The following SPRYD4 variants were observed in gnomAD, a reference collection of about 807,000 sequenced individuals.
SPRYD4 encodes SPRY domain-containing protein 4.
SPRYD4 carries 12 observed loss-of-function variants against 16.6 expected under a neutral mutation model. The observed-to-expected ratio is 0.72, with a 90% confidence interval of 0.46 to 1.17. SPRYD4 has a LOEUF of 1.17. Among genes scored for constraint, SPRYD4 ranks in the 50% most tolerant of loss-of-function variants. The pLI, the probability that SPRYD4 is intolerant of heterozygous loss-of-function variation, is 0.00. For missense variants in SPRYD4, 260 were observed against 260.2 expected, an observed-to-expected ratio of 1.00 and a Z score of 0.00; for synonymous variants, 98 against 105.4, an observed-to-expected ratio of 0.93 and a Z score of 0.43.
rs200746514 is a variant in SPRYD4 at position 56,469,297 on chromosome 12, T to C, written c.344T>C (p.Ile115Thr). ...GTGGACATGTCCCGGGATAGCTGCATTGGTGTTGATGATCGTTCCTGGGTG... is the reference window on the plus strand; with the variant it reads ...GTGGACATGTCCCGGGATAGCTGCACTGGTGTTGATGATCGTTCCTGGGTG... The part of the protein sequence containing the change: ...ADVDMSRDSC[I>T]GVDDRSWVFT... Residue 115 changes from isoleucine (I) to threonine (T), a missense_variant, in exon 2 of 2, where the codon ATT (isoleucine) becomes ACT (threonine). Coordinates refer to ENST00000338146, the MANE Select transcript of SPRYD4 (RefSeq NM_207344.4). The C allele has an allele frequency of 1.0e-4, 164 of 1,614,038 alleles. 1 individual carries two copies. The East Asian group carries it at 3.4e-3, about 33-fold the overall frequency.
rs1412417081 is a variant in SPRYD4 at position 56,472,660 on chromosome 12, A to G, written c.*3083A>G. The G allele has an allele frequency of 6.2e-7, 1 of 1,600,116 alleles. No homozygotes were observed. ...TAAAATCTCTGACCAGGAGTATTTT[A>G]TTGTGTATATTTGGTCACAGTAGCA... On this transcript the variant is annotated 3_prime_UTR_variant, in exon 2 of 2. Coordinates refer to ENST00000338146, the MANE Select transcript of SPRYD4 (RefSeq NM_207344.4).
rs538969459 is a variant in SPRYD4 at position 56,473,096 on chromosome 12, A to G, written c.*3519A>G. The G allele has an allele frequency of 1.2e-4, 98 of 797,952 alleles. 2 individuals are homozygous for G. The South Asian group carries it at 1.3e-3, about 11-fold the overall frequency. 49.4% of individuals were successfully genotyped at this position (797,952 alleles called of 1,614,324 possible). ...AATAGAGACCAGGTTTCACCGTGTTAGCCAGGATGGTCTTGATCTCCTGAC... is the reference window on the plus strand; with the variant it reads ...AATAGAGACCAGGTTTCACCGTGTTGGCCAGGATGGTCTTGATCTCCTGAC... On this transcript the variant is annotated 3_prime_UTR_variant, in exon 2 of 2. Transcript: ENST00000338146.
Position 56,469,838 on chromosome 12 carries a change from G to A in SPRYD4, c.*261G>A. ...TATCTTCCTTGACCTGCTTCCTTCAGTCCCTCTGCCTCCCTTTGCCCAGGC... is the reference window on the plus strand; with the variant it reads ...TATCTTCCTTGACCTGCTTCCTTCAATCCCTCTGCCTCCCTTTGCCCAGGC... On this transcript the variant is annotated 3_prime_UTR_variant, in exon 2 of 2. Coordinates refer to ENST00000338146, the MANE Select transcript of SPRYD4 (RefSeq NM_207344.4). 1 of 495,584 alleles carries A rather than the reference G, an allele frequency of 2.0e-6. No individual in the cohort carries two copies. The highest frequency in any genetic ancestry group is 3.6e-6 in the Non-Finnish European group (1 of 274,588). 30.7% of individuals were successfully genotyped at this position (495,584 alleles called of 1,614,324 possible). A position where few individuals can be genotyped will look rare whatever the true frequency, so the allele number is the denominator to read the frequency against.
chr12:56,468,787 C>A, intron 1 of SPRYD4, 111 bp downstream of exon 1: 1 of 1,226,184 alleles, frequency 8.2e-7, no homozygotes, highest in South Asian at 1.3e-5. Context: ...CCTTCCCCAC[C>A]TGCCTTGGTC....
In SPRYD4 at chr12:56,469,222, G is replaced by A; in HGVS notation, c.269G>A (p.Trp90Ter). Reference protein sequence around the residue: ...DTAVTSGRHYWEVTVKRSQQF... With the variant: ...DTAVTSGRHY The stretch of plus-strand genomic sequence containing the variant: ...GCGGTCACCAGTGGCAGACACTACT[G>A]GGAAGTGACAGTGAAGCGCTCCCAG... The change falls in exon 2 of 2, where the codon TGG becomes TAG. Residue 90 changes from tryptophan (W) to a stop codon, truncating the protein, a stop_gained. Transcript: ENST00000338146. LOFTEE classifies it high-confidence loss of function. The A allele has an allele frequency of 1.9e-6, 3 of 1,614,116 alleles. No individual in the cohort carries two copies. Among genetic ancestry groups the A allele is most frequent in the Non-Finnish European group, 1.7e-6 (2 of 1,179,990 alleles).
In SPRYD4 at chr12:56,469,403, G is replaced by C; in HGVS notation, c.450G>C (p.Lys150Asn). 1 of 1,614,132 alleles carries C rather than the reference G, an allele frequency of 6.2e-7. No individual in the cohort carries two copies. Among genetic ancestry groups the C allele is most frequent in the Non-Finnish European group, 8.5e-7 (1 of 1,180,016 alleles). Residue 150 changes from lysine (K) to asparagine (N), a missense_variant, in exon 2 of 2, where the codon AAG becomes AAC. Transcript: ENST00000338146. Reference sequence around the variant, plus strand: ...TTGAGGGTATTGGGCAGCCAGAGAAGGTGGGGCTGTTGCTGGAGTATGAGG... The same window carrying C: ...TTGAGGGTATTGGGCAGCCAGAGAACGTGGGGCTGTTGCTGGAGTATGAGG... ...APVEGIGQPE[K>N]VGLLLEYEAQ...
At position 56,479,201 on chromosome 12, in the gene SPRYD4, G is replaced by A. The variant is rs376034358; in HGVS notation, c.*9624G>A. 75 of 1,611,398 alleles carry A rather than the reference G, an allele frequency of 4.7e-5. No individual in the cohort carries two copies. The East Asian group carries it at 8.2e-4, about 18-fold the overall frequency. On this transcript the variant is annotated 3_prime_UTR_variant, in exon 2 of 2. Coordinates refer to ENST00000338146, the MANE Select transcript of SPRYD4 (RefSeq NM_207344.4). ...ACACACCTGGATCCCAGACACGATT[G>A]GATTAGGGGGCTAGAGAAATGCAGC...
chr12:56,478,710 T>C lies in SPRYD4; in HGVS notation c.*9133T>C, dbSNP rs908578907. ...CAGGAAATCTCTGAGAAGCGAGGTA[T>C]ATCTAGGTGTGGTGGCTCATGCCTG... On this transcript the variant is annotated 3_prime_UTR_variant, in exon 2 of 2. Transcript: ENST00000338146. The C allele has an allele frequency of 3.9e-6, 1 of 259,548 alleles. No individual in the cohort carries two copies. Among genetic ancestry groups the C allele is most frequent in the African/African-American group, 2.3e-5 (1 of 44,416 alleles). The allele number at this position is 259,548 out of a possible 1,614,324, so 16.1% of individuals were successfully genotyped here.
At position 56,475,943 on chromosome 12, in the gene SPRYD4, A is replaced by AG; in HGVS notation, c.*6366_*6367insG. 1.2e-6 allele frequency: 2 copies of AG among 1,613,908 alleles called. No individual in the cohort carries two copies. Among genetic ancestry groups the AG allele is most frequent in the Non-Finnish European group, 1.7e-6 (2 of 1,180,002 alleles). ...CAGGGGCTAAGTAGCAAGGGAACTT[A>AG]CAAAATCAAACTTCTCTGCTTTGTT... is the stretch of plus-strand genomic sequence containing the variant. On this transcript the variant is annotated 3_prime_UTR_variant, in exon 2 of 2. Coordinates refer to ENST00000338146, the MANE Select transcript of SPRYD4 (RefSeq NM_207344.4).
rs1869688410 is a variant in SPRYD4, at chr12:56,475,100, C to CT, written c.*5524dup. Reference sequence around the variant, plus strand: ...TAATTCCGATCCCCTGTTTCCTTCTCTGACTGGAATCTGAAGCAAACACCC... The same window carrying CT: ...TAATTCCGATCCCCTGTTTCCTTCTCTTGACTGGAATCTGAAGCAAACACCC... On this transcript the variant is annotated 3_prime_UTR_variant, in exon 2 of 2. Coordinates refer to ENST00000338146, the MANE Select transcript of SPRYD4 (RefSeq NM_207344.4). 2.5e-6 allele frequency: 4 copies of CT among 1,614,140 alleles called. No homozygotes were observed. The highest frequency in any genetic ancestry group is 3.4e-6 in the Non-Finnish European group (4 of 1,180,040).
chr12:56,478,017 T>A lies in SPRYD4; in HGVS notation c.*8440T>A, dbSNP rs1327892493. On this transcript the variant is annotated 3_prime_UTR_variant, in exon 2 of 2. Transcript: ENST00000338146. ...TTGTGCACGTAGTCAGTGCCTAGGGTGCTTATGGAGATGGCATAGGTGAGG... is the reference window on the plus strand; with the variant it reads ...TTGTGCACGTAGTCAGTGCCTAGGGAGCTTATGGAGATGGCATAGGTGAGG... 6.8e-6 allele frequency: 11 copies of A among 1,613,898 alleles called. No individual in the cohort carries two copies. The highest frequency in any genetic ancestry group is 8.5e-6 in the Non-Finnish European group (10 of 1,179,988).
Position 56,469,245 on chromosome 12 carries a change from C to G in SPRYD4, c.292C>G (p.Gln98Glu), listed in dbSNP as rs1442346247. ...HYWEVTVKRSQQFRIGVADVD... is the reference protein window; with the variant it reads ...HYWEVTVKRSEQFRIGVADVD... ...CTGGGAAGTGACAGTGAAGCGCTCC[C>G]AGCAGTTCCGGATAGGAGTGGCAGA... The change falls in exon 2 of 2, where the codon CAG (glutamine) becomes GAG (glutamate). Residue 98 changes from glutamine (Q) to glutamate (E), a missense_variant. Physicochemically the swap from Gln to Glu is conservative, Grantham distance 29. Coordinates refer to ENST00000338146, the MANE Select transcript of SPRYD4 (RefSeq NM_207344.4). 1 of 1,613,936 alleles carries G rather than the reference C, an allele frequency of 6.2e-7. No homozygotes were observed. Among genetic ancestry groups the G allele is most frequent in the Non-Finnish European group, 8.5e-7 (1 of 1,179,878 alleles).
Position 56,473,598 on chromosome 12 carries a change from G to T in SPRYD4, c.*4021G>T. 2 of 1,609,146 alleles carry T rather than the reference G, an allele frequency of 1.2e-6. No homozygotes were observed. Among genetic ancestry groups the T allele is most frequent in the Non-Finnish European group, 1.7e-6 (2 of 1,178,084 alleles). ...CTGACTTGGCTGGCAGGCCCACCTGGGGAACAGAACTGAAGCTGAGGATAA... is the reference window on the plus strand; with the variant it reads ...CTGACTTGGCTGGCAGGCCCACCTGTGGAACAGAACTGAAGCTGAGGATAA... On this transcript the variant is annotated 3_prime_UTR_variant, in exon 2 of 2. Coordinates refer to ENST00000338146, the MANE Select transcript of SPRYD4 (RefSeq NM_207344.4).
chr12:56,472,279 T>C lies in SPRYD4; in HGVS notation c.*2702T>C. The C allele has an allele frequency of 7.8e-7, 1 of 1,281,818 alleles. No individual in the cohort carries two copies. The highest frequency in any genetic ancestry group is 1.1e-6 in the Non-Finnish European group (1 of 883,448). 79.4% of individuals were successfully genotyped at this position (1,281,818 alleles called of 1,614,324 possible). ...CTTTGTGAACTGGTGTCAGACTGGA[T>C]GAGTTTCAGAGAAAGTGAAACAGCC... On this transcript the variant is annotated 3_prime_UTR_variant, in exon 2 of 2. Transcript: ENST00000338146.
intron 1 of SPRYD4, 39 bp downstream of exon 1, chr12:56,468,715 G>A (rs575653389): frequency 6.3e-7 from 1 of 1,592,910 alleles, no homozygotes; most frequent in African/African-American, 1.3e-5. Context: ...CTCCAGAATG[G>A]CTGCCGTCTA....
intron 1 of SPRYD4, 83 bp from the exon 2 acceptor site, chr12:56,468,956 G>A: frequency 6.8e-7 from 1 of 1,478,008 alleles, no homozygotes; most frequent in Non-Finnish European, 9.0e-7. Context: ...GTGTATCATG[G>A]CTGCCTGCCT....
In SPRYD4 at chr12:56,476,059, T is replaced by C. The variant is rs1290269645; in HGVS notation, c.*6482T>C. On this transcript the variant is annotated 3_prime_UTR_variant, in exon 2 of 2. Transcript: ENST00000338146. ...GGGTCAGAAGGATCTAGTGGAGTTCTAGTGTTAGTCTGGTCCTGCTGCTGC... is the reference window on the plus strand; with the variant it reads ...GGGTCAGAAGGATCTAGTGGAGTTCCAGTGTTAGTCTGGTCCTGCTGCTGC... 8.0e-6 allele frequency: 11 copies of C among 1,381,356 alleles called. No individual in the cohort carries two copies. The highest frequency in any genetic ancestry group is 1.1e-5 in the Non-Finnish European group (11 of 981,810). 85.6% of individuals were successfully genotyped at this position (1,381,356 alleles called of 1,614,324 possible). A position where few individuals can be genotyped will look rare whatever the true frequency, so the allele number is the denominator to read the frequency against.
In SPRYD4 at chr12:56,475,602, A is replaced by G. The variant is rs1330792138; in HGVS notation, c.*6025A>G. The G allele has an allele frequency of 6.2e-7, 1 of 1,612,542 alleles. No individual in the cohort carries two copies. The highest frequency in any genetic ancestry group is 8.5e-7 in the Non-Finnish European group (1 of 1,178,662). On this transcript the variant is annotated 3_prime_UTR_variant, in exon 2 of 2. Transcript: ENST00000338146. ...CACATACACCACAATGCTTTCAGTC[A>G]GTCCTCTGAGTAGGGACTTACGTGG...
In SPRYD4 at chr12:56,478,061, A is replaced by G; in HGVS notation, c.*8484A>G. ...GGTGAGGGGCTTCACACAGGACTGCAGGCAGAAGGGGATCTTTGTGTGGCC... is the reference window on the plus strand; with the variant it reads ...GGTGAGGGGCTTCACACAGGACTGCGGGCAGAAGGGGATCTTTGTGTGGCC... On this transcript the variant is annotated 3_prime_UTR_variant, in exon 2 of 2. Transcript: ENST00000338146. 1 of 1,614,202 alleles carries G rather than the reference A, an allele frequency of 6.2e-7. No individual in the cohort carries two copies. The highest frequency in any genetic ancestry group is 8.5e-7 in the Non-Finnish European group (1 of 1,180,018).
Sources: gnomAD v4.1 joint callset for allele counts on GRCh38, gnomAD v4.1.1 for gene constraint, MANE v1.5 for transcripts, NCBI Gene and HGNC (gene_info 2026-07-23, HGNC 2026-07-21) for gene names.